Variants in PEX14 observed in about 807,000 individuals in gnomAD.
PEX14 encodes the protein peroxisomal membrane protein PEX14.
PEX14 carries 15 observed loss-of-function variants against 49.5 expected under a neutral mutation model. The observed-to-expected ratio is 0.30, with a 90% CI of 0.20 to 0.47. The LOEUF is 0.47. PEX14 is among the 20% of genes least tolerant of loss of function. PEX14 has a pLI of 1.00. For synonymous variants in PEX14, 210 were observed against 212.7 expected, an observed-to-expected ratio of 0.99 and a Z score of 0.11; for missense variants, 398 against 494.8, an observed-to-expected ratio of 0.80 and a Z score of 1.86.
At chr1:10,501,532 A>G (rs948901251) in intron 2 of PEX14, among the ~76,000 whole-genome samples, 1 of 151,858 alleles carries the variant, frequency 6.6e-6, no homozygotes, top group African/African-American at 2.4e-5. Flanking sequence ...CAATCTCCTG[A>G]CCTCGTGATC....
At chr1:10,528,376 T>G (rs1300012308) in intron 2 of PEX14, 1 of 705,820 alleles carries the variant, frequency 1.4e-6, no homozygotes, top group Non-Finnish European at 1.7e-6. Flanking sequence ...AGAAATACCT[T>G]TCAGAAAGCA....
chr1:10,483,746 G>A (rs902303024), intron 1 of PEX14, among the ~76,000 whole-genome samples: 1 of 116,770 alleles, frequency 8.6e-6, no homozygotes, highest in Non-Finnish European at 1.9e-5. Context: ...GTATATACGT[G>A]TGTAACCACT....
intron 3 of PEX14, among the ~76,000 whole-genome samples, chr1:10,566,493 C>CTTTT (rs56355612): frequency 8.2e-5 from 12 of 145,838 alleles, no homozygotes; most frequent in Middle Eastern, 6.9e-3. Flanking sequence ...TTATGACTTC[C>CTTTT]TTTTTTTTTT....
In PEX14 at chr1:10,597,259, T is replaced by C. The variant is rs1054704250; in HGVS notation, c.170-1979T>C. 1.3e-5 allele frequency among the ~76,000 whole-genome samples: 2 copies of C among 152,254 alleles called. No individual in the cohort carries two copies. The highest frequency in any genetic ancestry group is 6.5e-5 in the Admixed American group (1 of 15,292). On this transcript the variant is annotated intron_variant, in intron 3 of 8. Transcript: ENST00000356607. The surrounding 1 kb of genome is among the most constrained non-coding windows in gnomAD (Gnocchi z 5.7). The stretch of plus-strand genomic sequence containing the variant: ...CCACCAGGTTTATAAAATTCCGTAG[T>C]GTACCAGTGACCATCAGCCTGTGCT...
intron 4 of PEX14, among the ~76,000 whole-genome samples, chr1:10,599,977 A>G (rs1283838923): frequency 6.6e-6 from 1 of 152,240 alleles, no homozygotes; most frequent in African/African-American, 2.4e-5. Flanking sequence ...GAAAGCTACT[A>G]TAGGAATAAA....
At chr1:10,522,042 G>A (rs1440192398) in intron 2 of PEX14, among the ~76,000 whole-genome samples, 1 of 152,186 alleles carries the variant, frequency 6.6e-6, no homozygotes, top group African/African-American at 2.4e-5. Context: ...CTGGAATGAC[G>A]TGTTCATGAA....
chr1:10,515,404 G>A (rs1418230373), intron 2 of PEX14, among the ~76,000 whole-genome samples: 1 of 152,110 alleles, frequency 6.6e-6, no homozygotes, highest in Non-Finnish European at 1.5e-5. Flanking sequence ...GCGCAAGCAG[G>A]AATTTGAGGC....
Position 10,494,543 on chromosome 1 carries a change from G to A in PEX14, c.37-731G>A, listed in dbSNP as rs543993037. On this transcript the variant is annotated intron_variant, in intron 1 of 8. Coordinates refer to ENST00000356607, the MANE Select transcript of PEX14 (RefSeq NM_004565.3). The surrounding 1 kb of genome is among the most constrained non-coding windows in gnomAD (Gnocchi z 4.3). ...ATTTTGGCCAGATCAGTCAAGGGTC[G>A]AAGGCGCCTGTGAGGGTGAGGTAGT... Among the ~76,000 whole-genome samples, 1 of 152,274 alleles carries A rather than the reference G, an allele frequency of 6.6e-6. No individual in the cohort carries two copies. Among genetic ancestry groups the A allele is most frequent in the South Asian group, 2.1e-4 (1 of 4,824 alleles).
Position 10,627,378 on chromosome 1 carries a change from T to C in PEX14, c.677+15T>C. On this transcript the variant is annotated intron_variant, in intron 8 of 8. Transcript: ENST00000356607. ...CTTTTAAATCGGTAGGAGGGAGGAATGGGGACCCTGTTCTGGTCGGGCCTG... is the reference window on the plus strand; with the variant it reads ...CTTTTAAATCGGTAGGAGGGAGGAACGGGGACCCTGTTCTGGTCGGGCCTG... 1 of 1,552,764 alleles carries C rather than the reference T, an allele frequency of 6.4e-7. No homozygotes were observed. Among genetic ancestry groups the C allele is most frequent in the Non-Finnish European group, 8.9e-7 (1 of 1,124,578 alleles).
intron 2 of PEX14, among the ~76,000 whole-genome samples, chr1:10,534,341 C>T (rs1638736412): frequency 1.3e-5 from 2 of 152,178 alleles, no homozygotes; most frequent in African/African-American, 4.8e-5. Context: ...GCAGGGGCCT[C>T]GCTTCCGTTG....
At chr1:10,520,448 A>G (rs979900415) in intron 2 of PEX14, among the ~76,000 whole-genome samples, 1 of 151,996 alleles carries the variant, frequency 6.6e-6, no homozygotes, top group Non-Finnish European at 1.5e-5. Flanking sequence ...ATGAACCACC[A>G]TGGCCGGCCC....
chr1:10,552,311 G>A (rs1639359168), intron 3 of PEX14, among the ~76,000 whole-genome samples: 1 of 150,886 alleles, frequency 6.6e-6, no homozygotes, highest in African/African-American at 2.4e-5. Context: ...GCATGGTGGC[G>A]GACGCCTGTA....
At chr1:10,608,814 A>G (rs1438380186) in intron 4 of PEX14, among the ~76,000 whole-genome samples, 1 of 152,158 alleles carries the variant, frequency 6.6e-6, no homozygotes, top group African/African-American at 2.4e-5. Flanking sequence ...ATACAATTCA[A>G]TGATTTTTAG....
intron 4 of PEX14, among the ~76,000 whole-genome samples, chr1:10,608,743 A>T (rs1005722397): frequency 8.0e-4 from 121 of 151,610 alleles, no homozygotes; most frequent in Middle Eastern, 3.4e-3. Flanking sequence ...AAAAAAAATA[A>T]AAAAAAAAAC....
intron 2 of PEX14, among the ~76,000 whole-genome samples, chr1:10,498,795 T>C (rs1313537907): frequency 6.6e-6 from 1 of 152,232 alleles, no homozygotes; most frequent in Non-Finnish European, 1.5e-5. Context: ...AAAGTTAAAA[T>C]GGCTGGTTAC....
At chr1:10,532,223 C>T (rs1173012508) in intron 2 of PEX14, among the ~76,000 whole-genome samples, 5 of 152,118 alleles carry the variant, frequency 3.3e-5, no homozygotes, top group Admixed American at 3.3e-4. Flanking sequence ...CCGGTGTAAC[C>T]ATTGTTATGA....
intron 2 of PEX14, among the ~76,000 whole-genome samples, chr1:10,500,331 G>T (rs1052479231): frequency 7.8e-6 from 1 of 128,614 alleles, no homozygotes; most frequent in African/African-American, 3.0e-5. Context: ...CCGAGATCGC[G>T]CTACTGCCCT....
Position 10,488,918 on chromosome 1 carries a change from T to G in PEX14, c.37-6356T>G, listed in dbSNP as rs190397592. Among the ~76,000 whole-genome samples, 5 of 152,372 alleles carry G rather than the reference T, an allele frequency of 3.3e-5. No individual in the cohort carries two copies. The East Asian group carries it at 7.7e-4, about 23-fold the overall frequency. ...GTTCTTGTCTACTAGTTATATCGTC[T>G]GGTTTTTCTTATTGTTATTGGTTAC... On this transcript the variant is annotated intron_variant, in intron 1 of 8. Coordinates refer to ENST00000356607, the MANE Select transcript of PEX14 (RefSeq NM_004565.3).
chr1:10,551,895 C>T (rs976649745), intron 3 of PEX14, among the ~76,000 whole-genome samples: 7 of 152,088 alleles, frequency 4.6e-5, no homozygotes, highest in African/African-American at 1.4e-4. Flanking sequence ...GAGTTCGAGA[C>T]CAGCTTGGCC....
Sources: allele counts gnomAD v4.1 joint callset (sites outside exome capture counted in the v4.1 genomes callset), GRCh38; gene constraint gnomAD v4.1.1; non-coding constraint Gnocchi (gnomAD v3.1); transcripts MANE v1.5; gene names NCBI Gene and HGNC (gene_info 2026-07-23, HGNC 2026-07-21).